The following TMEM232 variants were observed in gnomAD, a reference collection of about 807,000 sequenced individuals.
The protein encoded by TMEM232 is transmembrane protein 232.
A neutral mutation model predicts 78.8 loss-of-function variants in TMEM232; 80 were observed. That is an observed-to-expected ratio of 1.01 (90% CI 0.85 to 1.22). The LOEUF (loss-of-function observed/expected upper bound fraction) is 1.22, where lower values mean the gene tolerates loss of function less well. Ranked by LOEUF, TMEM232 falls within the 50% of genes most tolerant of loss-of-function variation. TMEM232 has a pLI of 0.00. For missense variants in TMEM232, 881 were observed against 742.2 expected (o/e 1.19, Z -2.17); for synonymous variants, 297 against 254.3 (o/e 1.17, Z -1.60).
chr5:110,573,404 A>G (rs1777184785), intron 10 of TMEM232, among the ~76,000 whole-genome samples: 1 of 152,060 alleles, frequency 6.6e-6, no homozygotes, highest in Admixed American at 6.6e-5. Flanking sequence ...ATGTTATGCA[A>G]TGCCATGTAG....
At chr5:110,409,856 C>T (rs1755924238) in intron 2 of TMEM232, among the ~76,000 whole-genome samples, 1 of 152,148 alleles carries the variant, frequency 6.6e-6, no homozygotes, top group Non-Finnish European at 1.5e-5. Context: ...GCAAATCCTG[C>T]TCTGGTCTTC....
chr5:110,538,387 G>A (rs1372444836), intron 11 of TMEM232, among the ~76,000 whole-genome samples: 1 of 152,150 alleles, frequency 6.6e-6, no homozygotes, highest in African/African-American at 2.4e-5. Context: ...CTGGAGGAAG[G>A]AAAACAGGAA....
Position 110,668,865 on chromosome 5 carries a change from C to G in TMEM232, c.-12-1501G>C, listed in dbSNP as rs933620445. On this transcript the variant is annotated intron_variant, in intron 1 of 13. Transcript: ENST00000455884. ...AACTGCCTGGAAACTGAACAACCTGCTCCTTAATGATTACTGGGTACATAA... is the reference window on the plus strand; with the variant it reads ...AACTGCCTGGAAACTGAACAACCTGGTCCTTAATGATTACTGGGTACATAA... 7.2e-5 allele frequency among the ~76,000 whole-genome samples: 11 copies of G among 152,282 alleles called. 1 individual carries two copies. The highest frequency in any genetic ancestry group is 3.9e-4 in the East Asian group (2 of 5,184).
At chr5:110,697,540 A>G (rs532556986) in intron 1 of TMEM232, among the ~76,000 whole-genome samples, 13 of 152,302 alleles carry the variant, frequency 8.5e-5, no homozygotes, top group South Asian at 6.2e-4. Context: ...AATTTTTACA[A>G]TCTACTCATC....
rs189902325 is a variant in TMEM232, at chr5:110,695,392, A to C, written c.-12-28028T>G. 7.5e-3 allele frequency among the ~76,000 whole-genome samples: 1,135 copies of C among 152,340 alleles called. 13 individuals carry two copies. The highest frequency in any genetic ancestry group is 0.026 in the African/African-American group (1,060 of 41,568). On this transcript the variant is annotated intron_variant, in intron 1 of 13. Coordinates refer to ENST00000455884, the MANE Select transcript of TMEM232 (RefSeq NM_001039763.4). Reference sequence around the variant, plus strand: ...ACACGGTAACATCACAATTAAAAGAACTAGAGGAGCAAGAGCAAACACATT... The same window carrying C: ...ACACGGTAACATCACAATTAAAAGACCTAGAGGAGCAAGAGCAAACACATT...
At chr5:110,604,671 T>C (rs1436674404) in intron 10 of TMEM232, among the ~76,000 whole-genome samples, 1 of 152,090 alleles carries the variant, frequency 6.6e-6, no homozygotes, top group Non-Finnish European at 1.5e-5. Context: ...TTGATAAAAA[T>C]TTTCTGGCTG....
At chr5:110,461,761 T>C (rs1418710476) in intron 12 of TMEM232, among the ~76,000 whole-genome samples, 1 of 152,142 alleles carries the variant, frequency 6.6e-6, no homozygotes, top group Admixed American at 6.5e-5. Flanking sequence ...CTAGGGCCCT[T>C]GAGAATTATG....
chr5:110,657,896 G>T (rs10056591), intron 2 of TMEM232, among the ~76,000 whole-genome samples: 12,473 of 152,000 alleles, frequency 0.082, 582 homozygotes, highest in South Asian at 0.2. Flanking sequence ...CTACTCTTTT[G>T]ATAAGTTTGG....
chr5:110,530,449 C>G (rs1427660137), intron 11 of TMEM232, among the ~76,000 whole-genome samples: 1 of 152,102 alleles, frequency 6.6e-6, no homozygotes, highest in Non-Finnish European at 1.5e-5. Context: ...ACATTACTCT[C>G]AATAGCCAAG....
intron 3 of TMEM232, among the ~76,000 whole-genome samples, chr5:110,394,991 G>A (rs191057148): frequency 5.9e-5 from 9 of 152,298 alleles, no homozygotes; most frequent in African/African-American, 7.2e-5. Context: ...TTTTGCTTAA[G>A]TCTCAGTGTT....
At chr5:110,390,028 G>C (rs573835381) in intron 4 of TMEM232, among the ~76,000 whole-genome samples, 4 of 152,246 alleles carry the variant, frequency 2.6e-5, no homozygotes, top group Non-Finnish European at 4.4e-5. Flanking sequence ...GAGAAGGACT[G>C]AATTCTGCAG....
intron 10 of TMEM232, among the ~76,000 whole-genome samples, chr5:110,574,449 G>A (rs1158136270): frequency 6.6e-6 from 1 of 152,010 alleles, no homozygotes; most frequent in Non-Finnish European, 1.5e-5. Context: ...CATAGGCCTT[G>A]GAATGTCCTG....
chr5:110,688,841 T>C (rs1384317299), intron 1 of TMEM232, among the ~76,000 whole-genome samples: 1 of 152,204 alleles, frequency 6.6e-6, no homozygotes. Context: ...CCCCATGTTT[T>C]GCCCACAGGG....
chr5:110,488,090 A>G (rs533743888), intron 12 of TMEM232, among the ~76,000 whole-genome samples: 1 of 151,910 alleles, frequency 6.6e-6, no homozygotes, highest in African/African-American at 2.4e-5. Context: ...GGAGGGTTGT[A>G]TTTTTCCAAG....
chr5:110,600,879 C>A (rs1235002886), intron 10 of TMEM232, among the ~76,000 whole-genome samples: 1 of 152,144 alleles, frequency 6.6e-6, no homozygotes, highest in African/African-American at 2.4e-5. Context: ...AGGACAATAT[C>A]CCTGATGAAC....
intron 12 of TMEM232, among the ~76,000 whole-genome samples, chr5:110,503,833 G>A (rs1766552478): frequency 6.6e-6 from 1 of 152,188 alleles, no homozygotes; most frequent in African/African-American, 2.4e-5. Flanking sequence ...GTTATGAAAT[G>A]ACTGTGCATA....
At chr5:110,667,464 C>A (rs567333391) in intron 1 of TMEM232, 100 bp from the exon 2 acceptor site, 256 of 901,872 alleles carry the variant, frequency 2.8e-4, no homozygotes, top group Non-Finnish European at 3.8e-4. Context: ...ATAGCAAGAA[C>A]TAAAGTTAGG....
chr5:110,508,456 G>T (rs1767222715), intron 12 of TMEM232, among the ~76,000 whole-genome samples: 1 of 150,714 alleles, frequency 6.6e-6, no homozygotes, highest in Non-Finnish European at 1.5e-5. Context: ...TATCTTGAGG[G>T]GTAATAAAGA....
intron 1 of TMEM232, among the ~76,000 whole-genome samples, chr5:110,708,849 A>C (rs988387442): frequency 1.3e-5 from 2 of 152,134 alleles, no homozygotes; most frequent in African/African-American, 2.4e-5. Context: ...CGCAAAACAA[A>C]TAACAAAATG....
Sources: allele counts gnomAD v4.1 joint callset (sites outside exome capture counted in the v4.1 genomes callset), GRCh38; gene constraint gnomAD v4.1.1; transcripts MANE v1.5; gene names NCBI Gene and HGNC (gene_info 2026-07-23, HGNC 2026-07-21).